The following NAV2 variants were observed in gnomAD, a reference collection of about 807,000 sequenced individuals.
NAV2 encodes the protein neuron navigator 2, also known as helicase, APC down-regulated 1.
A neutral mutation model predicts 223.2 loss-of-function variants in NAV2; 54 were observed. The observed-to-expected ratio is 0.24, with a 90% CI of 0.19 to 0.30. The LOEUF (loss-of-function observed/expected upper bound fraction) is 0.30, where lower values mean the gene tolerates loss of function less well. Among genes scored for constraint, NAV2 ranks in the 10% least tolerant of loss-of-function variants. NAV2 has a pLI of 1.00. For synonymous variants in NAV2, 1,279 were observed against 1,239.3 expected (o/e 1.03, Z -0.67); for missense variants, 2,806 against 3,147.5 (o/e 0.89, Z 2.60).
intron 8 of NAV2, among the ~76,000 whole-genome samples, chr11:19,945,910 G>A (rs542129289): frequency 6.6e-6 from 1 of 152,330 alleles, no homozygotes; most frequent in South Asian, 2.1e-4. Context: ...AAGGAAGAAG[G>A]CAACCTTTCT....
intron 1 of NAV2, among the ~76,000 whole-genome samples, chr11:19,523,502 C>T (rs895488739): frequency 2.6e-5 from 4 of 152,196 alleles, no homozygotes; most frequent in African/African-American, 9.7e-5. Context: ...TGGGTGGTGG[C>T]ACTGGCTCAC....
At chr11:19,639,795 G>A (rs758484220) in intron 1 of NAV2, among the ~76,000 whole-genome samples, 5 of 152,160 alleles carry the variant, frequency 3.3e-5, no homozygotes, top group Non-Finnish European at 5.9e-5. Context: ...TTCTCCCACC[G>A]CTACATGCTG....
intron 6 of NAV2, among the ~76,000 whole-genome samples, chr11:19,907,747 A>G (rs373038786): frequency 6.6e-5 from 10 of 152,256 alleles, no homozygotes; most frequent in African/African-American, 2.4e-4. Flanking sequence ...GTTTTGGAAC[A>G]AAGTACTCTG....
chr11:19,796,841 A>G (rs959865873), intron 1 of NAV2, among the ~76,000 whole-genome samples: 3 of 152,070 alleles, frequency 2.0e-5, no homozygotes, highest in Non-Finnish European at 2.9e-5. Flanking sequence ...GCTTGTTACC[A>G]TGTAGCTGAG....
chr11:19,709,195 A>G (rs2049776686), upstream of NAV2, among the ~76,000 whole-genome samples: 1 of 152,076 alleles, frequency 6.6e-6, no homozygotes, highest in East Asian at 1.9e-4. Flanking sequence ...TCTGGTTATT[A>G]TGATAAATTA....
chr11:19,932,352 C>A (rs1357258948), intron 6 of NAV2, among the ~76,000 whole-genome samples: 1 of 140,950 alleles, frequency 7.1e-6, no homozygotes, highest in African/African-American at 2.6e-5. Context: ...TGGTTTTTTT[C>A]TGAGACAGAG....
At chr11:20,043,499 A>G (rs2057141289) in intron 12 of NAV2, among the ~76,000 whole-genome samples, 1 of 152,076 alleles carries the variant, frequency 6.6e-6, no homozygotes. Flanking sequence ...AGGCTAGAGT[A>G]CAGTGGTGCG....
At chr11:20,101,265 C>A in intron 32 of NAV2, 93 bp downstream of exon 32, 1 of 1,025,946 alleles carries the variant, frequency 9.7e-7, no homozygotes, top group Non-Finnish European at 1.5e-6. Flanking sequence ...CATTTCCTAT[C>A]AACAATCCTT....
chr11:19,965,247 G>A (rs1271367436), intron 10 of NAV2, among the ~76,000 whole-genome samples: 2 of 152,160 alleles, frequency 1.3e-5, no homozygotes, highest in East Asian at 3.9e-4. Flanking sequence ...AGGGAGCTGG[G>A]ACTCAAACTT....
intron 11 of NAV2, among the ~76,000 whole-genome samples, chr11:19,993,601 G>C (rs1026569959): frequency 2.6e-5 from 4 of 151,664 alleles, no homozygotes; most frequent in African/African-American, 9.7e-5. Flanking sequence ...TTTAACCAAC[G>C]CCTTATCATG....
intron 1 of NAV2, among the ~76,000 whole-genome samples, chr11:19,585,223 AT>A (rs991350503): frequency 2.0e-5 from 3 of 151,054 alleles, no homozygotes; most frequent in African/African-American, 7.3e-5. Context: ...TTTCTTTTCC[AT>A]TTGCTTGGTA....
chr11:19,915,006 A>G (rs1449883786), intron 6 of NAV2, among the ~76,000 whole-genome samples: 3 of 151,966 alleles, frequency 2.0e-5, no homozygotes, highest in African/African-American at 4.8e-5. Flanking sequence ...TCCTCTTTTT[A>G]TACAGAGAAG....
chr11:20,098,364 C>T (rs2061420041), intron 31 of NAV2, among the ~76,000 whole-genome samples: 1 of 152,238 alleles, frequency 6.6e-6, no homozygotes, highest in Non-Finnish European at 1.5e-5. Context: ...ATCAAAGGCT[C>T]TGTCATTCAG....
chr11:19,943,664 A>G (rs2046589538), intron 8 of NAV2, among the ~76,000 whole-genome samples: 1 of 152,076 alleles, frequency 6.6e-6, no homozygotes, highest in Non-Finnish European at 1.5e-5. Context: ...TCTGATGTCA[A>G]TTCTACTTGC....
intron 10 of NAV2, among the ~76,000 whole-genome samples, chr11:19,982,613 T>C (rs7129196): frequency 0.21 from 31,868 of 152,012 alleles, 3,428 homozygotes; most frequent in African/African-American, 0.27. Flanking sequence ...ATTGTGACCT[T>C]GGGGATCATT....
At chr11:19,407,886 C>T (rs1849969149) in intron 1 of NAV2, among the ~76,000 whole-genome samples, 1 of 152,022 alleles carries the variant, frequency 6.6e-6, no homozygotes, top group South Asian at 2.1e-4. Flanking sequence ...TATGTGTCTG[C>T]GATGTGGTTG....
chr11:19,595,694 C>T (rs1328583818), intron 1 of NAV2, among the ~76,000 whole-genome samples: 1 of 151,262 alleles, frequency 6.6e-6, no homozygotes, highest in African/African-American at 2.4e-5. Context: ...GTAGCTGGGA[C>T]CACAGACACA....
At chr11:19,640,651 TAGG>T (rs1415849937) in intron 1 of NAV2, among the ~76,000 whole-genome samples, 15 of 152,284 alleles carry the variant, frequency 9.9e-5, no homozygotes, top group Admixed American at 9.8e-4. Context: ...GATGTGGTTC[TAGG>T]AGGAGAAGGA....
intron 1 of NAV2, among the ~76,000 whole-genome samples, chr11:19,817,561 G>A (rs1208269110): frequency 6.6e-6 from 1 of 152,080 alleles, no homozygotes; most frequent in Non-Finnish European, 1.5e-5. Flanking sequence ...GGGAGGGCCT[G>A]GGCAAATTGA....
Sources: gnomAD v4.1 joint callset for allele counts (sites outside exome capture counted in the v4.1 genomes callset) on GRCh38, gnomAD v4.1.1 for gene constraint, MANE v1.5 for transcripts, NCBI Gene and HGNC (gene_info 2026-07-23, HGNC 2026-07-21) for gene names.